TNS3: variants seen among roughly 807,000 people sequenced by gnomAD.
The protein encoded by TNS3 is tensin-3.
In TNS3, 45 loss-of-function variants were observed where a neutral mutation model predicts 140.9. The ratio of observed to expected loss-of-function variants is 0.32; its 90% CI spans 0.25 to 0.41. The LOEUF (loss-of-function observed/expected upper bound fraction) is 0.41. Among genes scored for constraint, TNS3 ranks in the 10% least tolerant of loss-of-function variants. The probability of loss-of-function intolerance (pLI) is 1.00; values close to 1 mark genes in which losing one functional copy is unlikely to be tolerated. For synonymous variants in TNS3, 815 were observed against 788.4 expected (o/e 1.03, Z -0.56); for missense variants, 1,716 against 1,906.7 (o/e 0.90, Z 1.86).
At chr7:47,389,160 A>AAGAAGCAGC (rs1562676021) in intron 16 of TNS3, among the ~76,000 whole-genome samples, 2 of 71,314 alleles carry the variant, frequency 2.8e-5, no homozygotes, top group African/African-American at 1.1e-4. Flanking sequence ...GAAGAAGCAG[A>AAGAAGCAGC]AGAAGCAGCA....
At chr7:47,412,464 G>A (rs1290906384) in intron 12 of TNS3, among the ~76,000 whole-genome samples, 1 of 152,136 alleles carries the variant, frequency 6.6e-6, no homozygotes, top group Admixed American at 6.5e-5. Flanking sequence ...ACAAAAATAT[G>A]AAATTTAGCT....
intron 4 of TNS3, chr7:47,452,786 G>C: frequency 2.8e-6 from 1 of 352,448 alleles, no homozygotes; most frequent in Non-Finnish European, 4.0e-6. Context: ...CTGCAGCATT[G>C]AAGTGAAAGG....
At chr7:47,285,640 G>A (rs1321978239) in intron 27 of TNS3, among the ~76,000 whole-genome samples, 1 of 152,134 alleles carries the variant, frequency 6.6e-6, no homozygotes, top group Non-Finnish European at 1.5e-5. Flanking sequence ...CATGAGAGCC[G>A]ACTAGTATAC....
intron 1 of TNS3, chr7:47,579,778 G>A (rs971759328): frequency 2.2e-5 from 21 of 939,888 alleles, no homozygotes; most frequent in Non-Finnish European, 2.5e-5. Context: ...GGGTCCTTGT[G>A]TAGAGTCCTA....
intron 1 of TNS3, among the ~76,000 whole-genome samples, chr7:47,548,191 C>T (rs1799972295): frequency 6.6e-6 from 1 of 152,154 alleles, no homozygotes. Flanking sequence ...TGAGTCACCA[C>T]CCACCCCGTC....
chr7:47,501,681 G>A (rs569846807), intron 3 of TNS3, among the ~76,000 whole-genome samples: 67 of 152,154 alleles, frequency 4.4e-4, no homozygotes, highest in African/African-American at 1.6e-3. Flanking sequence ...AAACAGAAAC[G>A]CACAGCTGCG....
At chr7:47,548,115 G>T (rs538801103) in intron 1 of TNS3, among the ~76,000 whole-genome samples, 5 of 152,262 alleles carry the variant, frequency 3.3e-5, no homozygotes, top group Non-Finnish European at 5.9e-5. Context: ...GGTCAGGCTG[G>T]CCTCGAACTC....
chr7:47,358,488 G>A (rs775662866), intron 17 of TNS3, among the ~76,000 whole-genome samples: 2 of 152,162 alleles, frequency 1.3e-5, no homozygotes, highest in East Asian at 1.9e-4. Context: ...GCCTCAGTAC[G>A]GATACAAAAG....
intron 9 of TNS3, among the ~76,000 whole-genome samples, chr7:47,425,041 G>C (rs1290983525): frequency 6.6e-6 from 1 of 152,204 alleles, no homozygotes; most frequent in Non-Finnish European, 1.5e-5. Context: ...CTGATAGGCT[G>C]GGTGCGGTGG....
At chr7:47,381,849 T>G (rs1415534669) in intron 16 of TNS3, among the ~76,000 whole-genome samples, 1 of 152,222 alleles carries the variant, frequency 6.6e-6, no homozygotes, top group East Asian at 1.9e-4. Flanking sequence ...AGAACCGAAA[T>G]TATTGTTACC....
chr7:47,347,726 C>G (rs571419603), intron 17 of TNS3, among the ~76,000 whole-genome samples: 3 of 152,124 alleles, frequency 2.0e-5, no homozygotes, highest in Non-Finnish European at 4.4e-5. Flanking sequence ...ATCCTCTCTT[C>G]GGTTCCCAGC....
In TNS3 at chr7:47,344,905, A is replaced by G. The variant is rs1404342325; in HGVS notation, c.2566+19T>C. The G allele has an allele frequency of 6.2e-7, 1 of 1,613,162 alleles. No homozygotes were observed. Among genetic ancestry groups the G allele is most frequent in the Admixed American group, 1.7e-5 (1 of 60,026 alleles). ...TGGGCATGGAGCAGCACATGCAGCTAGTGTTACTTCATTCTTACCATACGG... is the reference window on the plus strand; with the variant it reads ...TGGGCATGGAGCAGCACATGCAGCTGGTGTTACTTCATTCTTACCATACGG... On this transcript the variant is annotated intron_variant, in intron 19 of 30. Coordinates refer to ENST00000311160, the MANE Select transcript of TNS3 (RefSeq NM_022748.12).
intron 4 of TNS3, among the ~76,000 whole-genome samples, chr7:47,475,594 C>T (rs1797165813): frequency 6.6e-6 from 1 of 152,302 alleles, no homozygotes; most frequent in Non-Finnish European, 1.5e-5. Flanking sequence ...GGAGGCCGGG[C>T]GGGGAAGTGG....
intron 23 of TNS3, among the ~76,000 whole-genome samples, chr7:47,299,923 C>A (rs774060271): frequency 6.6e-6 from 1 of 152,312 alleles, no homozygotes; most frequent in Non-Finnish European, 1.5e-5. Flanking sequence ...CTCACACTGT[C>A]GCGCCCTGCA....
At chr7:47,404,604 C>T (rs1793339573) in intron 13 of TNS3, among the ~76,000 whole-genome samples, 1 of 152,050 alleles carries the variant, frequency 6.6e-6, no homozygotes, top group South Asian at 2.1e-4. Context: ...TGCCTGTGCC[C>T]GGCCGGGCGC....
intron 12 of TNS3, among the ~76,000 whole-genome samples, chr7:47,412,804 T>A (rs1263022710): frequency 6.6e-6 from 1 of 152,002 alleles, no homozygotes; most frequent in Non-Finnish European, 1.5e-5. Flanking sequence ...CCATAAAAAA[T>A]AATAGAAGTT....
At chr7:47,488,428 G>A (rs1326001811) in intron 3 of TNS3, among the ~76,000 whole-genome samples, 1 of 152,156 alleles carries the variant, frequency 6.6e-6, no homozygotes, top group African/African-American at 2.4e-5. Context: ...AGGAGGCTGA[G>A]ATGAAGATGT....
chr7:47,478,138 C>A (rs1021134686), intron 4 of TNS3, among the ~76,000 whole-genome samples: 7 of 152,224 alleles, frequency 4.6e-5, no homozygotes, highest in Non-Finnish European at 8.8e-5. Flanking sequence ...CGCCCACGGG[C>A]TGATCTCTGC....
At chr7:47,522,201 G>T (rs1799006386) in intron 2 of TNS3, among the ~76,000 whole-genome samples, 1 of 152,224 alleles carries the variant, frequency 6.6e-6, no homozygotes, top group African/African-American at 2.4e-5. Context: ...TTTGTTGCTT[G>T]CATTAAGTTA....
Sources: gnomAD v4.1 joint callset for allele counts (sites outside exome capture counted in the v4.1 genomes callset) on GRCh38, gnomAD v4.1.1 for gene constraint, MANE v1.5 for transcripts, NCBI Gene and HGNC (gene_info 2026-07-23, HGNC 2026-07-21) for gene names.